Variants in TDRD3 observed in about 807,000 individuals in gnomAD.
The protein encoded by TDRD3 is tudor domain containing 3.
In TDRD3, 45 loss-of-function variants were observed where a neutral mutation model predicts 86.7. That is an observed-to-expected ratio of 0.52 (90% CI 0.41 to 0.67). The LOEUF (loss-of-function observed/expected upper bound fraction) is 0.67, where lower values mean the gene tolerates loss of function less well. TDRD3 is among the 30% of genes least tolerant of loss of function. The pLI, the probability that TDRD3 is intolerant of heterozygous loss-of-function variation, is 0.00. For missense variants in TDRD3, 814 were observed against 889.0 expected, an observed-to-expected ratio of 0.92 and a Z score of 1.07; for synonymous variants, 298 against 301.7, an observed-to-expected ratio of 0.99 and a Z score of 0.13.
rs1310950683 is a variant in TDRD3, at chr13:60,510,727, A to G, written c.1113A>G (p.Glu371=). The G allele has an allele frequency of 1.9e-6, 3 of 1,589,264 alleles. No individual in the cohort carries two copies. The highest frequency in any genetic ancestry group is 1.2e-5 in the South Asian group (1 of 84,798). The change falls in exon 10 of 14, where the codon GAA becomes GAG. Residue 371 remains glutamate, a synonymous_variant. Transcript: ENST00000377881. The part of the protein sequence containing the change: ...SAPSTLFDFL[E]SKMGTLNVEE... Reference sequence around the variant, plus strand: ...CAAGCACATTATTTGATTTCTTGGAATCTAAAATGGGAACTTTGAATGTGG... The same window carrying G: ...CAAGCACATTATTTGATTTCTTGGAGTCTAAAATGGGAACTTTGAATGTGG...
chr13:60,567,413 AT>A, intron 12 of TDRD3, 111 bp from the exon 13 acceptor site: 1 of 1,383,794 alleles, frequency 7.2e-7, no homozygotes, highest in Non-Finnish European at 1.0e-6. Context: ...ACATGTGTGA[AT>A]TCCAGGGCAG....
At chr13:60,522,983 C>A (rs1957323092) in intron 10 of TDRD3, among the ~76,000 whole-genome samples, 1 of 147,460 alleles carries the variant, frequency 6.8e-6, no homozygotes, top group Non-Finnish European at 1.5e-5. Context: ...TTTCTAGCAC[C>A]AGCCTTTAGT....
intron 12 of TDRD3, among the ~76,000 whole-genome samples, chr13:60,563,231 T>TAAAA (rs1349445473): frequency 7.4e-5 from 7 of 95,160 alleles, no homozygotes; most frequent in Middle Eastern, 5.1e-3. Context: ...CCATATCAAT[T>TAAAA]TAAAAAAAAA....
intron 1 of TDRD3, among the ~76,000 whole-genome samples, chr13:60,434,863 G>A (rs545133188): frequency 6.4e-4 from 98 of 152,240 alleles, no homozygotes; most frequent in Middle Eastern, 3.4e-3. Context: ...CACAGGGACC[G>A]TAACTGGAGT....
At chr13:60,398,314 A>G (rs1387645307) in intron 1 of TDRD3, among the ~76,000 whole-genome samples, 1 of 152,126 alleles carries the variant, frequency 6.6e-6, no homozygotes, top group Non-Finnish European at 1.5e-5. Context: ...AAACAAAACC[A>G]GGGGGAATAG....
intron 10 of TDRD3, among the ~76,000 whole-genome samples, chr13:60,525,340 A>T (rs1271855748): frequency 6.6e-6 from 1 of 150,598 alleles, no homozygotes; most frequent in Non-Finnish European, 1.5e-5. Flanking sequence ...AGCCTGGCTA[A>T]TTTTTGCATT....
chr13:60,503,664 G>A (rs947382697), intron 8 of TDRD3, among the ~76,000 whole-genome samples: 4 of 152,294 alleles, frequency 2.6e-5, no homozygotes, highest in Admixed American at 1.3e-4. Context: ...GAAACTTGAA[G>A]TTTGATTTTG....
intron 7 of TDRD3, 49 bp from the exon 8 acceptor site, chr13:60,494,386 T>A (rs1956666734): frequency 6.8e-7 from 1 of 1,469,210 alleles, no homozygotes; most frequent in South Asian, 1.6e-5. Context: ...TTAGAACTAT[T>A]TTTAAATGCT....
At chr13:60,489,164 A>T (rs1468129551) in intron 7 of TDRD3, among the ~76,000 whole-genome samples, 1 of 152,096 alleles carries the variant, frequency 6.6e-6, no homozygotes, top group African/African-American at 2.4e-5. Context: ...CCTCTCTCTT[A>T]TATTATTGAT....
At chr13:60,396,109 C>A (rs937745275), upstream of TDRD3, among the ~76,000 whole-genome samples, 12 of 152,192 alleles carry the variant, frequency 7.9e-5, no homozygotes, top group Non-Finnish European at 7.3e-5. Context: ...ATCCCAAGAG[C>A]GCCTCTGCCC....
chr13:60,526,209 C>G (rs1035630991), intron 10 of TDRD3, among the ~76,000 whole-genome samples: 3 of 152,104 alleles, frequency 2.0e-5, no homozygotes, highest in Admixed American at 2.0e-4. Flanking sequence ...AGCTTACTCC[C>G]CAAATATTTA....
In TDRD3 at chr13:60,429,814, CTTTCTT is replaced by C. The variant is rs953736039; in HGVS notation, c.42-9872_42-9867del. ...TTCCCTTTATCATTAATTTTATTCT[CTTTCTT>C]TCTCATTAGAGAAATTGTATTCTCT... On this transcript the variant is annotated intron_variant, in intron 1 of 13. Transcript: ENST00000377881. 2.2e-4 allele frequency among the ~76,000 whole-genome samples: 27 copies of C among 122,080 alleles called. 1 individual carries two copies. Among genetic ancestry groups the C allele is most frequent in the African/African-American group, 8.5e-4 (27 of 31,686 alleles). 80.1% of individuals were successfully genotyped at this position (122,080 alleles called of 152,430 possible). A position where few individuals can be genotyped will look rare whatever the true frequency, so the allele number is the denominator to read the frequency against.
Position 60,554,959 on chromosome 13 carries a change from A to G in TDRD3, c.2119-12566A>G, listed in dbSNP as rs188064610. Among the ~76,000 whole-genome samples, 48 of 152,298 alleles carry G rather than the reference A, an allele frequency of 3.2e-4. 1 individual carries two copies. Among genetic ancestry groups the G allele is most frequent in the African/African-American group, 1.1e-3 (47 of 41,568 alleles). On this transcript the variant is annotated intron_variant, in intron 12 of 13. Coordinates refer to ENST00000377881, the MANE Select transcript of TDRD3 (RefSeq NM_001146070.2). ...AATAGAATCATTACACCAAAATGTA[A>G]TATATCTAGTAGTCCTAGTTGAATC...
chr13:60,472,434 A>T (rs975652061), intron 5 of TDRD3, among the ~76,000 whole-genome samples: 1 of 152,232 alleles, frequency 6.6e-6, no homozygotes, highest in African/African-American at 2.4e-5. Context: ...ATACAGCGAG[A>T]TATACTACCC....
chr13:60,530,841 GTAACTGAAGA>G (rs536850117), intron 11 of TDRD3, among the ~76,000 whole-genome samples: 81 of 152,248 alleles, frequency 5.3e-4, no homozygotes, highest in African/African-American at 1.9e-3. Flanking sequence ...GTAAGTAAAG[GTAACTGAAGA>G]TTTCAAGGAA....
At chr13:60,473,376 A>G (rs1391324060) in intron 5 of TDRD3, among the ~76,000 whole-genome samples, 1 of 152,224 alleles carries the variant, frequency 6.6e-6, no homozygotes, top group Non-Finnish European at 1.5e-5. Context: ...TTGGAGAGAC[A>G]GTCAAATCAT....
rs374065371 is a variant in TDRD3 at position 60,521,846 on chromosome 13, G to A, written c.1142-6521G>A. ...CGGGAGGTGGAGGTTGCGGTGAGCC[G>A]AGATCGCACCATTGCACTCCAGCCT... is the stretch of plus-strand genomic sequence containing the variant. On this transcript the variant is annotated intron_variant, in intron 10 of 13. Transcript: ENST00000377881. 3.0e-4 allele frequency among the ~76,000 whole-genome samples: 46 copies of A among 152,046 alleles called. No homozygotes were observed. The East Asian group carries it at 6.2e-3, about 21-fold the overall frequency.
At position 60,528,981 on chromosome 13, in the gene TDRD3, G is replaced by T. The variant is rs1180392569; in HGVS notation, c.1756G>T (p.Val586Phe). The T allele has an allele frequency of 1.2e-6, 2 of 1,614,026 alleles. No individual in the cohort carries two copies. The highest frequency in any genetic ancestry group is 3.3e-5 in the Admixed American group (2 of 60,018). The change falls in exon 11 of 14, where the codon GTT becomes TTT. Residue 586 changes from valine to phenylalanine, a missense_variant. By Grantham distance (50) the Val-to-Phe change is conservative (BLOSUM62 -1). Transcript: ENST00000377881. ...NPVRSNSFIG[V>F]PNGEVEMPLK... The stretch of plus-strand genomic sequence containing the variant: ...AGTTCGAAGTAATAGTTTCATTGGT[G>T]TTCCAAATGGAGAAGTAGAAATGCC...
intron 5 of TDRD3, among the ~76,000 whole-genome samples, chr13:60,475,591 T>A (rs1956167330): frequency 6.6e-6 from 1 of 152,176 alleles, no homozygotes; most frequent in African/African-American, 2.4e-5. Flanking sequence ...TAATAGTAGT[T>A]GAACTCTTAG....
Sources: allele counts gnomAD v4.1 joint callset (sites outside exome capture counted in the v4.1 genomes callset), GRCh38; gene constraint gnomAD v4.1.1; transcripts MANE v1.5; gene names NCBI Gene and HGNC (gene_info 2026-07-23, HGNC 2026-07-21).